ATP6V0D1: variants seen among roughly 807,000 people sequenced by gnomAD.
The protein encoded by ATP6V0D1 is ATPase H+ transporting V0 subunit d1, also known as V-type proton ATPase subunit d 1.
In ATP6V0D1, 13 loss-of-function variants were observed where a neutral mutation model predicts 39.0. The ratio of observed to expected loss-of-function variants is 0.33; its 90% CI spans 0.22 to 0.53. The LOEUF is 0.53. Ranked by LOEUF, ATP6V0D1 falls within the 20% of genes least tolerant of loss-of-function variation. The probability of loss-of-function intolerance (pLI) is 0.94; values close to 1 mark genes in which losing one functional copy is unlikely to be tolerated. For missense variants in ATP6V0D1, 272 were observed against 470.9 expected (o/e 0.58, Z 3.91); for synonymous variants, 191 against 191.2 (o/e 1.00, Z 0.01).
intron 1 of ATP6V0D1, among the ~76,000 whole-genome samples, chr16:67,470,322 T>TA (rs1376176735): frequency 3.9e-5 from 6 of 152,172 alleles, no homozygotes; most frequent in Non-Finnish European, 1.5e-5. Context: ...TTTTTGGAAT[T>TA]AAAAAATTAT....
chr16:67,477,576 T>C (rs1266723745), intron 1 of ATP6V0D1, among the ~76,000 whole-genome samples: 1 of 152,214 alleles, frequency 6.6e-6, no homozygotes, highest in African/African-American at 2.4e-5. Context: ...ATTTTATCAA[T>C]AAGAATTTAT....
intron 1 of ATP6V0D1, among the ~76,000 whole-genome samples, chr16:67,473,786 G>A (rs544452944): frequency 9.5e-4 from 145 of 152,222 alleles, no homozygotes; most frequent in African/African-American, 3.4e-3. Context: ...GCCTCCCAAA[G>A]TGCTGGGATT....
chr16:67,440,532 G>C (rs2041037469), intron 4 of ATP6V0D1: 1 of 152,300 alleles, frequency 6.6e-6, no homozygotes, highest in Non-Finnish European at 1.5e-5. Context: ...GGCTCCACAG[G>C]CTAGAGACTA....
rs1208654578 is a variant in ATP6V0D1, at chr16:67,461,911, G to C, written c.131-8196C>G. Among the ~76,000 whole-genome samples, 4 of 152,316 alleles carry C rather than the reference G, an allele frequency of 2.6e-5. No individual in the cohort carries two copies. In the East Asian group the frequency reaches 5.8e-4, roughly 22 times the overall value. ...GGGACAGGTGGTAGGTGGTGGCAGA[G>C]ACACATTTAATTACCCTCATACTCT... On this transcript the variant is annotated intron_variant, in intron 1 of 7. Transcript: ENST00000290949.
At chr16:67,449,742 A>T (rs1458209521) in intron 2 of ATP6V0D1, among the ~76,000 whole-genome samples, 1 of 152,208 alleles carries the variant, frequency 6.6e-6, no homozygotes, top group Non-Finnish European at 1.5e-5. Flanking sequence ...AGTCCTCTCC[A>T]GGCACTGTCT....
At chr16:67,470,692 C>T (rs2041365769) in intron 1 of ATP6V0D1, among the ~76,000 whole-genome samples, 1 of 152,160 alleles carries the variant, frequency 6.6e-6, no homozygotes, top group Non-Finnish European at 1.5e-5. Context: ...AACTGCCTGC[C>T]GGACTCCCTC....
rs372059322 is a variant in ATP6V0D1, at chr16:67,463,943, G to T, written c.131-10228C>A. On this transcript the variant is annotated intron_variant, in intron 1 of 7. Transcript: ENST00000290949. Reference sequence around the variant, plus strand: ...CTAGGTCCAAATGACTGAAGCCACTGGGGGAGGTGGGAGGCATGGAGCCTG... The same window carrying T: ...CTAGGTCCAAATGACTGAAGCCACTTGGGGAGGTGGGAGGCATGGAGCCTG... Among the ~76,000 whole-genome samples, 4 of 152,370 alleles carry T rather than the reference G, an allele frequency of 2.6e-5. 1 individual carries two copies. The South Asian group carries it at 8.3e-4, about 32-fold the overall frequency.
intron 2 of ATP6V0D1, among the ~76,000 whole-genome samples, chr16:67,449,295 C>T (rs965288724): frequency 6.6e-6 from 1 of 152,206 alleles, no homozygotes; most frequent in African/African-American, 2.4e-5. Flanking sequence ...TAAAGCCCAC[C>T]TGGGACTCCC....
intron 1 of ATP6V0D1, among the ~76,000 whole-genome samples, chr16:67,458,081 T>C (rs1007856533): frequency 2.0e-5 from 3 of 152,224 alleles, no homozygotes; most frequent in Admixed American, 1.3e-4. Context: ...GGAGGCCTGC[T>C]GAACCCTCAG....
At chr16:67,465,428 C>A (rs1476659863) in intron 1 of ATP6V0D1, among the ~76,000 whole-genome samples, 3 of 152,210 alleles carry the variant, frequency 2.0e-5, no homozygotes, top group Non-Finnish European at 4.4e-5. Flanking sequence ...GACAAATTTT[C>A]CCTCTCCTGG....
chr16:67,455,684 G>A (rs1229637085), intron 1 of ATP6V0D1: 4 of 152,196 alleles, frequency 2.6e-5, no homozygotes, highest in Non-Finnish European at 4.4e-5. Context: ...TTTTGCCTGG[G>A]AAATGTGCAC....
chr16:67,451,131 G>A (rs1378640700), intron 2 of ATP6V0D1, among the ~76,000 whole-genome samples: 1 of 152,194 alleles, frequency 6.6e-6, no homozygotes, highest in Non-Finnish European at 1.5e-5. Context: ...GAGCATGCAA[G>A]CCTGGCAGCA....
At chr16:67,449,835 T>C (rs992185380) in intron 2 of ATP6V0D1, among the ~76,000 whole-genome samples, 3 of 152,360 alleles carry the variant, frequency 2.0e-5, no homozygotes, top group African/African-American at 7.2e-5. Flanking sequence ...ACTGGTTATG[T>C]GTGCGGCTGA....
At chr16:67,457,381 C>T (rs961712738) in intron 1 of ATP6V0D1, 59 of 348,152 alleles carry the variant, frequency 1.7e-4, no homozygotes, top group Non-Finnish European at 2.0e-4. Flanking sequence ...CCTCCCCACT[C>T]TGCACCTCCT....
At chr16:67,462,771 T>C (rs2041298597) in intron 1 of ATP6V0D1, among the ~76,000 whole-genome samples, 1 of 148,312 alleles carries the variant, frequency 6.7e-6, no homozygotes, top group South Asian at 2.1e-4. Flanking sequence ...GAGACTGCAG[T>C]GAGCCAAGAT....
intron 2 of ATP6V0D1, among the ~76,000 whole-genome samples, chr16:67,451,279 G>A (rs913593079): frequency 3.9e-5 from 6 of 152,180 alleles, no homozygotes; most frequent in Admixed American, 3.9e-4. Context: ...ACCATGAGTC[G>A]GGCGGCCAAG....
Position 67,480,964 on chromosome 16 carries a change from C to T in ATP6V0D1, c.123G>A (p.Thr41=), listed in dbSNP as rs201244741. Residue 41 remains threonine, a synonymous_variant, in exon 1 of 8, where the codon ACG becomes ACA. Transcript: ENST00000290949. ...TTCGCGGCCCCGGCTCACCCTCTAGCGTCTCGCACTGCACCAGGTTGAGGT... is the reference window on the plus strand; with the variant it reads ...TTCGCGGCCCCGGCTCACCCTCTAGTGTCTCGCACTGCACCAGGTTGAGGT... ...ADYLNLVQCE[T]LEDLKLHLQS... 3.0e-5 allele frequency: 49 copies of T among 1,614,092 alleles called. 1 individual carries two copies. The East Asian group carries it at 7.4e-4, about 24-fold the overall frequency.
intron 4 of ATP6V0D1, chr16:67,440,273 C>T (rs1316331398): frequency 6.6e-6 from 1 of 152,330 alleles, no homozygotes; most frequent in African/African-American, 2.4e-5. Flanking sequence ...GGCACATGGG[C>T]TGCCGGCGGG....
intron 1 of ATP6V0D1, among the ~76,000 whole-genome samples, chr16:67,474,510 T>C (rs768066168): frequency 5.3e-5 from 8 of 152,214 alleles, no homozygotes; most frequent in Admixed American, 3.9e-4. Flanking sequence ...TTTATCAATC[T>C]CTTGGCCACA....
Sources: gnomAD v4.1 joint callset for allele counts (sites outside exome capture counted in the v4.1 genomes callset) on GRCh38, gnomAD v4.1.1 for gene constraint, MANE v1.5 for transcripts, NCBI Gene and HGNC (gene_info 2026-07-23, HGNC 2026-07-21) for gene names.